Variants in EIF1B observed in about 807,000 individuals in gnomAD.
EIF1B encodes eukaryotic translation initiation factor 1B.
In EIF1B, 5 loss-of-function variants were observed where a neutral mutation model predicts 14.8. That is an observed-to-expected ratio of 0.34 (90% CI 0.18 to 0.71). EIF1B has a LOEUF of 0.71. EIF1B is among the 30% of genes least tolerant of loss of function. The pLI is 0.64. For synonymous variants in EIF1B, 45 were observed against 45.8 expected, an observed-to-expected ratio of 0.98 and a Z score of 0.07; for missense variants, 56 against 134.0, an observed-to-expected ratio of 0.42 and a Z score of 2.87.
At chr3:40,310,009 G>A in intron 1 of EIF1B, 37 bp downstream of exon 1, 3 of 1,612,494 alleles carry the variant, frequency 1.9e-6, no homozygotes, top group Non-Finnish European at 2.5e-6. Flanking sequence ...TCCCTTGCCC[G>A]GCGCGCATCT....
intron 3 of EIF1B, 170 bp downstream of exon 3, chr3:40,311,741 T>C: frequency 1.5e-6 from 1 of 672,280 alleles, no homozygotes; most frequent in Non-Finnish European, 2.6e-6. Context: ...TGGTTTATTT[T>C]GTCATTAGAG....
chr3:40,311,559 G>C lies in EIF1B; in HGVS notation c.285G>C (p.Gln95His). 6.2e-7 allele frequency: 1 copy of C among 1,613,402 alleles called. No individual in the cohort carries two copies. The highest frequency in any genetic ancestry group is 8.5e-7 in the Non-Finnish European group (1 of 1,179,570). Residue 95 changes from glutamine to histidine, a missense_variant, in exon 3 of 4, where the codon CAG (glutamine) becomes CAC (histidine). By Grantham distance (24) the Gln-to-His change is conservative. This residue lies in a region of EIF1B where 35 missense variants were observed against 82.9 expected (regional missense o/e 0.42). Coordinates refer to ENST00000232905, the MANE Select transcript of EIF1B (RefSeq NM_005875.3). ...LQGDQRKNIC[Q>H]FLLEVGIVKE... Reference sequence around the variant, plus strand: ...GTGACCAAAGAAAAAACATCTGCCAGTTTCTCTTGGAGGTGAGTGATTGGG... The same window carrying C: ...GTGACCAAAGAAAAAACATCTGCCACTTTCTCTTGGAGGTGAGTGATTGGG...
intron 2 of EIF1B, 33 bp downstream of exon 2, chr3:40,311,089 C>G (rs747879100): frequency 3.1e-6 from 5 of 1,599,584 alleles, no homozygotes; most frequent in Non-Finnish European, 4.3e-6. Flanking sequence ...ATTAGAGTTA[C>G]TGATGCACAC....
In EIF1B at chr3:40,310,476, A is replaced by G. The variant is rs181707175; in HGVS notation, c.32-417A>G. Among the ~76,000 whole-genome samples the G allele has an allele frequency of 5.5e-5, 7 of 128,182 alleles. No individual in the cohort carries two copies. The East Asian group carries it at 1.9e-3, about 35-fold the overall frequency. 84.1% of individuals were successfully genotyped at this position (128,182 alleles called of 152,430 possible). On this transcript the variant is annotated intron_variant, in intron 1 of 3. Coordinates refer to ENST00000232905, the MANE Select transcript of EIF1B (RefSeq NM_005875.3). The stretch of plus-strand genomic sequence containing the variant: ...ACGCCTCTTGATATATATGTAATCT[A>G]CTTTTTTTTTGGCAAGGCACAGTTA...
At position 40,312,082 on chromosome 3, in the gene EIF1B, T is replaced by A; in HGVS notation, c.*68T>A. The A allele has an allele frequency of 9.1e-7, 1 of 1,093,936 alleles. No homozygotes were observed. The highest frequency in any genetic ancestry group is 1.8e-5 in the Admixed American group (1 of 55,378). The allele number at this position is 1,093,936 out of a possible 1,614,324, so 67.8% of individuals were successfully genotyped here. On this transcript the variant is annotated 3_prime_UTR_variant, in exon 4 of 4. Transcript: ENST00000232905. Reference sequence around the variant, plus strand: ...CTCTAAACCCGGTTTGGCTGCCTTGTGAAATGATTCCCTGCAGTAAACGGA... The same window carrying A: ...CTCTAAACCCGGTTTGGCTGCCTTGAGAAATGATTCCCTGCAGTAAACGGA...
In EIF1B at chr3:40,309,784, C is replaced by G; in HGVS notation, c.-158C>G. ...CCTCCTTCGCCTCTTCCTGCCTCCT[C>G]CCGGCTTCCGCCGCCGCCACTCCAG... On this transcript the variant is annotated 5_prime_UTR_variant, in exon 1 of 4. Transcript: ENST00000232905. The G allele has an allele frequency of 2.4e-6, 2 of 817,778 alleles. No homozygotes were observed. The highest frequency in any genetic ancestry group is 3.9e-6 in the Non-Finnish European group (2 of 511,500). 50.7% of individuals were successfully genotyped at this position (817,778 alleles called of 1,614,324 possible). A position where few individuals can be genotyped will look rare whatever the true frequency, so the allele number is the denominator to read the frequency against.
intron 3 of EIF1B, 63 bp downstream of exon 3, chr3:40,311,634 A>C (rs1954327313): frequency 1.5e-6 from 2 of 1,318,914 alleles, no homozygotes; most frequent in Admixed American, 3.6e-5. Context: ...TTTAAAGGCA[A>C]CATGATTTGT....
intron 1 of EIF1B, chr3:40,310,676 G>T: frequency 2.3e-6 from 1 of 443,484 alleles, no homozygotes; most frequent in Non-Finnish European, 4.0e-6. Context: ...TTTCTACAAT[G>T]GACATAGCTG....
At position 40,312,060 on chromosome 3, in the gene EIF1B, T is replaced by G; in HGVS notation, c.*46T>G. On this transcript the variant is annotated 3_prime_UTR_variant, in exon 4 of 4. Transcript: ENST00000232905. ...GAATTTCTTGAATAGTTTTGTTCTCTAAACCCGGTTTGGCTGCCTTGTGAA... is the reference window on the plus strand; with the variant it reads ...GAATTTCTTGAATAGTTTTGTTCTCGAAACCCGGTTTGGCTGCCTTGTGAA... The G allele has an allele frequency of 4.2e-6, 6 of 1,432,490 alleles. No individual in the cohort carries two copies. Among genetic ancestry groups the G allele is most frequent in the Non-Finnish European group, 5.9e-6 (6 of 1,020,730 alleles). The allele number at this position is 1,432,490 out of a possible 1,614,324, so 88.7% of individuals were successfully genotyped here. A position where few individuals can be genotyped will look rare whatever the true frequency, so the allele number is the denominator to read the frequency against.
At chr3:40,311,283 T>G in intron 2 of EIF1B, 187 bp from the exon 3 acceptor site, 1 of 602,638 alleles carries the variant, frequency 1.7e-6, no homozygotes, top group Non-Finnish European at 2.8e-6. Context: ...TATTTAGTTC[T>G]TGATGTTACA....
intron 1 of EIF1B, 128 bp downstream of exon 1, chr3:40,310,100 C>T (rs976592992): frequency 6.0e-6 from 8 of 1,327,628 alleles, no homozygotes; most frequent in African/African-American, 4.4e-5. Context: ...TTTGTCTCGG[C>T]GCCCAGAAAA....
In EIF1B at chr3:40,309,800, G is replaced by A. The variant is rs961670255; in HGVS notation, c.-142G>A. On this transcript the variant is annotated 5_prime_UTR_variant, in exon 1 of 4. Transcript: ENST00000232905. ...CTGCCTCCTCCCGGCTTCCGCCGCC[G>A]CCACTCCAGCCTAATCCCAACCCCA... is the stretch of plus-strand genomic sequence containing the variant. The A allele has an allele frequency of 3.6e-5, 34 of 953,890 alleles. No individual in the cohort carries two copies. Among genetic ancestry groups the A allele is most frequent in the Non-Finnish European group, 4.9e-5 (31 of 632,064 alleles). The allele number at this position is 953,890 out of a possible 1,614,324, so 59.1% of individuals were successfully genotyped here. A position where few individuals can be genotyped will look rare whatever the true frequency, so the allele number is the denominator to read the frequency against.
At chr3:40,310,021 G>T (rs376099817) in intron 1 of EIF1B, 49 bp downstream of exon 1, 2 of 1,610,410 alleles carry the variant, frequency 1.2e-6, no homozygotes, top group Admixed American at 3.3e-5. Context: ...CGCGCATCTC[G>T]GCCTTTTGCC....
rs2125570184 is a variant in EIF1B at position 40,312,268 on chromosome 3, ATTG to A, written c.*257_*259del. ...CCAATGGAAAATGTTTTGAGTGTTT[ATTG>A]TTCAGTTTATTACGTTTCACTTGAT... On this transcript the variant is annotated 3_prime_UTR_variant, in exon 4 of 4. Transcript: ENST00000232905. 2 of 426,846 alleles carry A rather than the reference ATTG, an allele frequency of 4.7e-6. No homozygotes were observed. Among genetic ancestry groups the A allele is most frequent in the East Asian group, 4.3e-5 (1 of 23,152 alleles). 26.4% of individuals were successfully genotyped at this position (426,846 alleles called of 1,614,324 possible).
rs1156420226 is a variant in EIF1B, at chr3:40,312,285, G to A, written c.*271G>A. 1.1e-5 allele frequency: 3 copies of A among 269,192 alleles called. No homozygotes were observed. Among genetic ancestry groups the A allele is most frequent in the African/African-American group, 3.7e-5 (1 of 26,706 alleles). The allele number at this position is 269,192 out of a possible 1,614,324, so 16.7% of individuals were successfully genotyped here. Reference sequence around the variant, plus strand: ...GAGTGTTTATTGTTCAGTTTATTACGTTTCACTTGATTAAATTTTTTTGTT... The same window carrying A: ...GAGTGTTTATTGTTCAGTTTATTACATTTCACTTGATTAAATTTTTTTGTT... On this transcript the variant is annotated 3_prime_UTR_variant, in exon 4 of 4. Coordinates refer to ENST00000232905, the MANE Select transcript of EIF1B (RefSeq NM_005875.3).
intron 1 of EIF1B, chr3:40,310,638 G>A (rs752687656): frequency 1.9e-5 from 6 of 317,516 alleles, no homozygotes; most frequent in Non-Finnish European, 2.9e-5. Context: ...CATATTGAAC[G>A]ATAACATTAT....
intron 2 of EIF1B, 39 bp downstream of exon 2, chr3:40,311,095 C>T: frequency 6.3e-7 from 1 of 1,591,380 alleles, no homozygotes; most frequent in Non-Finnish European, 8.6e-7. Context: ...GTTACTGATG[C>T]ACACCTCTGA....
chr3:40,310,700 CTT>C, intron 1 of EIF1B, 191 bp from the exon 2 acceptor site: 1 of 504,050 alleles, frequency 2.0e-6, no homozygotes, highest in South Asian at 3.8e-5. Context: ...AAATGTTTCT[CTT>C]TTTGTGAGAG....
At position 40,309,740 on chromosome 3, in the gene EIF1B, C is replaced by CTCGCCTCTTCCTCCGCCTCCTCCT. The variant is rs1306718875; in HGVS notation, c.-189_-166dup. The stretch of plus-strand genomic sequence containing the variant: ...GCAGCGCCGCCTCTTCTCTCGCGCC[C>CTCGCCTCTTCCTCCGCCTCCTCCT]TCGCCTCTTCCTCCGCCTCCTCCTT... On this transcript the variant is annotated 5_prime_UTR_variant, in exon 1 of 4. Transcript: ENST00000232905. 11 of 601,170 alleles carry CTCGCCTCTTCCTCCGCCTCCTCCT rather than the reference C, an allele frequency of 1.8e-5. No homozygotes were observed. Among genetic ancestry groups the CTCGCCTCTTCCTCCGCCTCCTCCT allele is most frequent in the South Asian group, 2.1e-5 (1 of 48,034 alleles). The allele number at this position is 601,170 out of a possible 1,614,324, so 37.2% of individuals were successfully genotyped here. A position where few individuals can be genotyped will look rare whatever the true frequency, so the allele number is the denominator to read the frequency against.
Sources: gnomAD v4.1 joint callset for allele counts (sites outside exome capture counted in the v4.1 genomes callset) on GRCh38, gnomAD v4.1.1 for gene constraint, gnomAD v4.1.1 regional missense constraint, MANE v1.5 for transcripts, NCBI Gene and HGNC (gene_info 2026-07-23, HGNC 2026-07-21) for gene names.